The following NKD2 variants were observed in gnomAD, a reference collection of about 807,000 sequenced individuals.
The protein encoded by NKD2 is NKD inhibitor of Wnt signaling pathway 2, also known as protein naked cuticle homolog 2.
NKD2 carries 43 observed loss-of-function variants against 34.8 expected under a neutral mutation model. That is an observed-to-expected ratio of 1.24 (90% confidence interval 0.97 to 1.60). NKD2 has a LOEUF of 1.60. Ranked by LOEUF, NKD2 falls within the 40% of genes most tolerant of loss-of-function variation. The probability of loss-of-function intolerance (pLI) is 0.00; values close to 1 mark genes in which losing one functional copy is unlikely to be tolerated. For missense variants in NKD2, 675 were observed against 627.1 expected (o/e 1.08, Z -0.82); for synonymous variants, 278 against 265.1 (o/e 1.05, Z -0.47).
Position 1,009,601 on chromosome 5 carries a change from G to GC in NKD2, c.141+44dup. On this transcript the variant is annotated intron_variant, in intron 3 of 9. Transcript: ENST00000296849. The surrounding 1 kb of genome is among the most constrained non-coding windows in gnomAD (Gnocchi z 6.9). ...GAGGCTGGGGTCGCGCTGCGCACCC[G>GC]CCCGGGGGCGGGGAGCGGTGTCAGA... The GC allele has an allele frequency of 7.2e-7, 1 of 1,383,466 alleles. No homozygotes were observed. The allele number at this position is 1,383,466 out of a possible 1,614,324, so 85.7% of individuals were successfully genotyped here. A position where few individuals can be genotyped will look rare whatever the true frequency, so the allele number is the denominator to read the frequency against.
intron 3 of NKD2, among the ~76,000 whole-genome samples, chr5:1,026,482 G>T (rs531602079): frequency 0.027 from 2,051 of 74,930 alleles, 354 homozygotes; most frequent in African/African-American, 0.098. Flanking sequence ...CTTCCCATCT[G>T]CTGTGGGCGT....
At position 1,026,612 on chromosome 5, in the gene NKD2, G is replaced by T. The variant is rs538302284; in HGVS notation, c.142-5540G>T. On this transcript the variant is annotated intron_variant, in intron 3 of 9. Transcript: ENST00000296849. ...TCCCTGCTCTTCCCACCCACTGTGG[G>T]TGTCCCAGCCCTTTGGGTTCCTTGG... Among the ~76,000 whole-genome samples the T allele has an allele frequency of 1.3e-5, 2 of 151,948 alleles. 1 individual carries two copies. The highest frequency in any genetic ancestry group is 4.8e-5 in the African/African-American group (2 of 41,354).
At chr5:1,014,121 C>A (rs1253146629) in intron 3 of NKD2, among the ~76,000 whole-genome samples, 1 of 152,228 alleles carries the variant, frequency 6.6e-6, no homozygotes, top group Non-Finnish European at 1.5e-5. Context: ...GTGGCTGCAC[C>A]CTGTTCTCCT....
Position 1,038,888 on chromosome 5 carries a change from C to G in NKD2, c.*515C>G, listed in dbSNP as rs60241368. ...GCTTGTGCTTAGCAGGGAGCATCCGCGGCTCCCCGCAGGAGGCCAAGCAGC... is the reference window on the plus strand; with the variant it reads ...GCTTGTGCTTAGCAGGGAGCATCCGGGGCTCCCCGCAGGAGGCCAAGCAGC... On this transcript the variant is annotated 3_prime_UTR_variant, in exon 10 of 10. Transcript: ENST00000296849. This position sits in a 1 kb window ranked among gnomAD's most constrained non-coding sequence, Gnocchi z 4.5. The G allele has an allele frequency of 0.45, 107,677 of 238,744 alleles. 24,654 individuals are homozygous for G. Among genetic ancestry groups the G allele is most frequent in the Non-Finnish European group, 0.5 (62,498 of 125,334 alleles). The allele number at this position is 238,744 out of a possible 1,614,324, so 14.8% of individuals were successfully genotyped here. A position where few individuals can be genotyped will look rare whatever the true frequency, so the allele number is the denominator to read the frequency against.
chr5:1,028,381 G>A (rs1395062852), intron 3 of NKD2, among the ~76,000 whole-genome samples: 1 of 152,202 alleles, frequency 6.6e-6, no homozygotes, highest in Non-Finnish European at 1.5e-5. Flanking sequence ...TGGTCCCGGA[G>A]GCCTCCGTGG....
intron 8 of NKD2, 145 bp from the exon 9 acceptor site, chr5:1,036,112 G>T: frequency 7.4e-7 from 1 of 1,347,290 alleles, no homozygotes; most frequent in South Asian, 2.1e-5. Flanking sequence ...GTGCCCAGGC[G>T]TCCACTCTCC....
At chr5:1,012,150 T>C (rs1229048691) in intron 3 of NKD2, among the ~76,000 whole-genome samples, 11 of 152,262 alleles carry the variant, frequency 7.2e-5, no homozygotes, top group Non-Finnish European at 1.5e-4. Context: ...GAGACTAGCT[T>C]TAATTTCTAC....
At chr5:1,030,585 T>C (rs549581865) in intron 3 of NKD2, among the ~76,000 whole-genome samples, 1 of 152,246 alleles carries the variant, frequency 6.6e-6, no homozygotes, top group South Asian at 2.1e-4. Flanking sequence ...GTTTTAGAGA[T>C]GATTTGGTTT....
intron 3 of NKD2, among the ~76,000 whole-genome samples, chr5:1,014,197 G>A (rs567711877): frequency 6.6e-6 from 1 of 152,334 alleles, no homozygotes; most frequent in East Asian, 1.9e-4. Context: ...ACTTGTGGCT[G>A]AGTAATTTGA....
chr5:1,017,128 C>T (rs947188540), intron 3 of NKD2, among the ~76,000 whole-genome samples: 2 of 152,254 alleles, frequency 1.3e-5, no homozygotes, highest in East Asian at 1.9e-4. Flanking sequence ...CTCACCAGGA[C>T]GTGCCTGGAC....
In NKD2 at chr5:1,030,022, G is replaced by C. The variant is rs2334954; in HGVS notation, c.142-2130G>C. ...TGAGGGGGGATTGTGGTGCGGGGGG[G>C]GGGGTACTGAGAACCCTGGGGGCTT... On this transcript the variant is annotated intron_variant, in intron 3 of 9. Coordinates refer to ENST00000296849, the MANE Select transcript of NKD2 (RefSeq NM_033120.4). 6.8e-4 allele frequency among the ~76,000 whole-genome samples: 101 copies of C among 147,914 alleles called. 6 individuals carry two copies. The highest frequency in any genetic ancestry group is 1.3e-3 in the African/African-American group (53 of 39,468).
Position 1,036,321 on chromosome 5 carries a change from G to C in NKD2, c.724G>C (p.Glu242Gln), listed in dbSNP as rs777195972. The change falls in exon 9 of 10, where the codon GAG becomes CAG. Residue 242 changes from glutamate to glutamine, a missense_variant. Transcript: ENST00000296849. ...RGPYCVDENT[E>Q]RRNHYLDLAG... ...GCCCTACTGCGTGGACGAGAACACG[G>C]AGCGCAGAAACCACTACCTGGACCT... 2 of 1,612,848 alleles carry C rather than the reference G, an allele frequency of 1.2e-6. No homozygotes were observed. The highest frequency in any genetic ancestry group is 1.3e-5 in the African/African-American group (1 of 74,920).
chr5:1,033,274 C>G (rs755268468), intron 4 of NKD2, 98 bp from the exon 5 acceptor site: 2 of 1,181,696 alleles, frequency 1.7e-6, no homozygotes, highest in Non-Finnish European at 2.4e-6. Context: ...TGGACAGGAT[C>G]ATGGTGTGGT....
intron 5 of NKD2, 117 bp downstream of exon 5, chr5:1,033,616 T>TC (rs1756735422): frequency 5.7e-6 from 7 of 1,232,006 alleles, no homozygotes; most frequent in Non-Finnish European, 7.7e-6. Flanking sequence ...CACTCAGTCT[T>TC]CCCCACAGTT....
rs902587353 is a variant in NKD2 at position 1,011,883 on chromosome 5, C to T, written c.141+2323C>T. On this transcript the variant is annotated intron_variant, in intron 3 of 9. Coordinates refer to ENST00000296849, the MANE Select transcript of NKD2 (RefSeq NM_033120.4). ...GCGGAGCGCCACACTTTGCTTTTGGCGGGACCCGCACGGCTTCATCACCGA... is the reference window on the plus strand; with the variant it reads ...GCGGAGCGCCACACTTTGCTTTTGGTGGGACCCGCACGGCTTCATCACCGA... Among the ~76,000 whole-genome samples, 3 of 152,238 alleles carry T rather than the reference C, an allele frequency of 2.0e-5. 1 individual carries two copies. The highest frequency in any genetic ancestry group is 4.4e-5 in the Non-Finnish European group (3 of 68,052).
intron 3 of NKD2, 55 bp from the exon 4 acceptor site, chr5:1,032,097 T>TC: frequency 7.0e-7 from 1 of 1,429,782 alleles, no homozygotes; most frequent in Non-Finnish European, 9.8e-7. Context: ...CCTGCCCATC[T>TC]CCCCCGCCTG....
intron 3 of NKD2, among the ~76,000 whole-genome samples, chr5:1,029,736 T>C (rs882623): frequency 0.48 from 73,498 of 152,132 alleles, 17,946 homozygotes; most frequent in East Asian, 0.59. Context: ...GCCCGCTGCC[T>C]GTCCTCAGGA....
chr5:1,036,479 C>T, intron 9 of NKD2, 95 bp downstream of exon 9: 1 of 892,742 alleles, frequency 1.1e-6, no homozygotes, highest in East Asian at 2.8e-5. Flanking sequence ...GGGGCCCCTC[C>T]CTGCCCTGCC....
chr5:1,034,721 T>C (rs771692847), intron 6 of NKD2, 35 bp from the exon 7 acceptor site: 87 of 1,596,666 alleles, frequency 5.4e-5, no homozygotes, highest in South Asian at 3.0e-4. Flanking sequence ...TCCCCTGGGG[T>C]CTGCTCTGTC....
Sources: gnomAD v4.1 joint callset for allele counts (sites outside exome capture counted in the v4.1 genomes callset) on GRCh38, gnomAD v4.1.1 for gene constraint, Gnocchi (gnomAD v3.1) non-coding constraint, MANE v1.5 for transcripts, NCBI Gene and HGNC (gene_info 2026-07-23, HGNC 2026-07-21) for gene names.